The following COP1 variants were observed in gnomAD, a reference collection of about 807,000 sequenced individuals.
COP1 encodes the protein E3 ubiquitin-protein ligase COP1.
COP1 carries 24 observed loss-of-function variants against 101.3 expected under a neutral mutation model. The ratio of observed to expected loss-of-function variants is 0.24; its 90% CI spans 0.17 to 0.33. COP1 has a LOEUF of 0.33. Ranked by LOEUF, COP1 falls within the 10% of genes least tolerant of loss-of-function variation. The pLI is 1.00. For missense variants in COP1, 663 were observed against 906.2 expected (o/e 0.73, Z 3.45); for synonymous variants, 347 against 341.9 (o/e 1.01, Z -0.17).
chr1:176,154,527 A>G (rs997253380), intron 5 of COP1, among the ~76,000 whole-genome samples: 1 of 152,190 alleles, frequency 6.6e-6, no homozygotes, highest in African/African-American at 2.4e-5. Context: ...TAGCAAACTA[A>G]CACAGGACGA....
chr1:176,175,837 G>T, intron 3 of COP1, 73 bp downstream of exon 3: 1 of 812,368 alleles, frequency 1.2e-6, no homozygotes, highest in Non-Finnish European at 2.0e-6. Flanking sequence ...TAGGTTTTCT[G>T]AATAAATTAG....
rs1024612854 is a variant in COP1 at position 176,143,552 on chromosome 1, G to GA, written c.831+5453dup. 5.3e-5 allele frequency among the ~76,000 whole-genome samples: 8 copies of GA among 151,516 alleles called. No homozygotes were observed. The South Asian group carries it at 6.3e-4, about 12-fold the overall frequency. The stretch of plus-strand genomic sequence containing the variant: ...GCAAAACTGGACAAGATATGTGTAA[G>GA]AAAAAAAACAATCTCACTCATGAAC... On this transcript the variant is annotated intron_variant, in intron 6 of 19. Transcript: ENST00000367669.
chr1:176,196,558 T>C (rs1260125025), intron 1 of COP1, among the ~76,000 whole-genome samples: 1 of 152,124 alleles, frequency 6.6e-6, no homozygotes, highest in Non-Finnish European at 1.5e-5. Context: ...CTGAGTAGTG[T>C]CTATTAAAGA....
chr1:175,967,149 G>T (rs1005035837), intron 18 of COP1, among the ~76,000 whole-genome samples: 4 of 152,236 alleles, frequency 2.6e-5, no homozygotes, highest in Middle Eastern at 3.4e-3. Context: ...TGCAAAAACT[G>T]CTCAGGGTAA....
intron 1 of COP1, among the ~76,000 whole-genome samples, chr1:176,190,746 T>A (rs1158916409): frequency 2.6e-5 from 4 of 151,996 alleles, no homozygotes; most frequent in Non-Finnish European, 5.9e-5. Context: ...ATTTAATAAG[T>A]ACTTACAAAG....
chr1:176,099,603 G>C (rs531591275), intron 9 of COP1, among the ~76,000 whole-genome samples: 2 of 151,420 alleles, frequency 1.3e-5, no homozygotes, highest in Non-Finnish European at 2.9e-5. Flanking sequence ...CAATATAGTT[G>C]TTTACATCAG....
intron 18 of COP1, among the ~76,000 whole-genome samples, chr1:175,959,764 G>C (rs1467289968): frequency 2.6e-5 from 4 of 152,112 alleles, no homozygotes; most frequent in African/African-American, 4.8e-5. Context: ...GGAAAACTGA[G>C]TGTCTCTCAT....
In COP1 at chr1:176,127,613, G is replaced by GTA. The variant is rs1301337539; in HGVS notation, c.968+7395_968+7396dup. 7.9e-3 allele frequency among the ~76,000 whole-genome samples: 688 copies of GTA among 87,432 alleles called. 6 individuals carry two copies. The highest frequency in any genetic ancestry group is 0.023 in the South Asian group (64 of 2,726). The allele number at this position is 87,432 out of a possible 152,430, so 57.4% of individuals were successfully genotyped here. A position where few individuals can be genotyped will look rare whatever the true frequency, so the allele number is the denominator to read the frequency against. On this transcript the variant is annotated intron_variant, in intron 8 of 19. Coordinates refer to ENST00000367669, the MANE Select transcript of COP1 (RefSeq NM_022457.7). ...TGTATGTGTATATATGTGTGTGTGTGTATATATATATACATACAATATATG... is the reference window on the plus strand; with the variant it reads ...TGTATGTGTATATATGTGTGTGTGTGTATATATATATATACATACAATATATG...
At chr1:176,025,734 A>G (rs1401727162) in intron 15 of COP1, among the ~76,000 whole-genome samples, 1 of 151,990 alleles carries the variant, frequency 6.6e-6, no homozygotes, top group Non-Finnish European at 1.5e-5. Flanking sequence ...TACGAAAAAT[A>G]CAAAAATTAG....
chr1:176,085,778 G>C lies in COP1; in HGVS notation c.1139C>G (p.Ser380Ter). 6.5e-7 allele frequency: 1 copy of C among 1,549,836 alleles called. No individual in the cohort carries two copies. Among genetic ancestry groups the C allele is most frequent in the Middle Eastern group, 1.8e-4 (1 of 5,654 alleles). ...TTTGAGAAGGTCTAAATATATACCT[G>C]AGATACGAGACATCCTTGTAGAAAA... ...CYFSTRMSRISDDSRTASQLD... is the reference protein window; with the variant it reads ...CYFSTRMSRI Residue 380 changes from serine (S) to a stop codon, truncating the protein, a stop_gained and splice_region_variant, in exon 10 of 20, where the codon TCA becomes TGA. Coordinates refer to ENST00000367669, the MANE Select transcript of COP1 (RefSeq NM_022457.7). LOFTEE classifies it high-confidence loss of function.
chr1:176,168,759 G>C, intron 3 of COP1: 1 of 269,630 alleles, frequency 3.7e-6, no homozygotes, highest in Non-Finnish European at 7.7e-6. Flanking sequence ...CTGGAGGGAA[G>C]TAAGGGAGAA....
At chr1:176,001,872 T>C (rs1235481042) in intron 15 of COP1, among the ~76,000 whole-genome samples, 2 of 152,138 alleles carry the variant, frequency 1.3e-5, no homozygotes, top group Non-Finnish European at 2.9e-5. Flanking sequence ...TATAAAATTC[T>C]TTATTGACAA....
intron 9 of COP1, among the ~76,000 whole-genome samples, chr1:176,114,597 G>A (rs73042728): frequency 0.054 from 7,747 of 144,764 alleles, 445 homozygotes; most frequent in Middle Eastern, 0.15. Flanking sequence ...GCGGGGGGAG[G>A]GAGTGGGGGG....
intron 2 of COP1, among the ~76,000 whole-genome samples, 182 bp from the exon 3 acceptor site, chr1:176,176,189 C>G (rs866465658): frequency 3.3e-5 from 5 of 152,116 alleles, no homozygotes; most frequent in Non-Finnish European, 7.4e-5. Context: ...TGGGTAAACA[C>G]TACACAAAAG....
At chr1:176,158,510 T>G (rs1305078393) in intron 5 of COP1, among the ~76,000 whole-genome samples, 1 of 151,938 alleles carries the variant, frequency 6.6e-6, no homozygotes, top group Non-Finnish European at 1.5e-5. Context: ...TCTCCATAAT[T>G]TAACCACAAT....
chr1:176,159,491 A>C lies in COP1; in HGVS notation c.762+3378T>G, dbSNP rs192153342. Among the ~76,000 whole-genome samples the C allele has an allele frequency of 2.0e-5, 3 of 152,334 alleles. No individual in the cohort carries two copies. The East Asian group carries it at 5.8e-4, about 29-fold the overall frequency. The stretch of plus-strand genomic sequence containing the variant: ...TTTAATAAGATTAAAATGTGCACAC[A>C]TACCCTAATGCGAGCACAAGGAGAA... On this transcript the variant is annotated intron_variant, in intron 5 of 19. Transcript: ENST00000367669.
intron 5 of COP1, among the ~76,000 whole-genome samples, chr1:176,157,167 C>G (rs1693594148): frequency 6.6e-6 from 1 of 151,994 alleles, no homozygotes; most frequent in Non-Finnish European, 1.5e-5. Context: ...GCACTCCAGC[C>G]TGAGTGACAA....
At chr1:175,988,479 T>C in intron 16 of COP1, 67 bp from the exon 17 acceptor site, 3 of 1,413,346 alleles carry the variant, frequency 2.1e-6, no homozygotes, top group African/African-American at 1.4e-5. Context: ...TCACTACTAA[T>C]TAGAGGCAAT....
In COP1 at chr1:175,958,827, G is replaced by A. The variant is rs546985715; in HGVS notation, c.2134-11588C>T. On this transcript the variant is annotated intron_variant, in intron 18 of 19. Transcript: ENST00000367669. Reference sequence around the variant, plus strand: ...CCTACAGGTATTAAATTCATAAATCGACAGTCAAAAATATTTCTACCTCAG... The same window carrying A: ...CCTACAGGTATTAAATTCATAAATCAACAGTCAAAAATATTTCTACCTCAG... Among the ~76,000 whole-genome samples, 261 of 151,934 alleles carry A rather than the reference G, an allele frequency of 1.7e-3. 1 individual carries two copies. Among genetic ancestry groups the A allele is most frequent in the African/African-American group, 6.0e-3 (250 of 41,478 alleles).
Sources: allele counts gnomAD v4.1 joint callset (sites outside exome capture counted in the v4.1 genomes callset), GRCh38; gene constraint gnomAD v4.1.1; transcripts MANE v1.5; gene names NCBI Gene and HGNC (gene_info 2026-07-23, HGNC 2026-07-21).